ADAMTS9: variants seen among roughly 807,000 people sequenced by gnomAD.
ADAMTS9 encodes ADAM metallopeptidase with thrombospondin type 1 motif 9, also known as A disintegrin and metalloproteinase with thrombospondin motifs 9.
A neutral mutation model predicts 257.1 loss-of-function variants in ADAMTS9; 107 were observed. The observed-to-expected ratio is 0.42, with a 90% confidence interval of 0.36 to 0.49. ADAMTS9 has a LOEUF of 0.49. Among genes scored for constraint, ADAMTS9 ranks in the 20% least tolerant of loss-of-function variants. The pLI is 0.03. For synonymous variants in ADAMTS9, 982 were observed against 880.9 expected, an observed-to-expected ratio of 1.11 and a Z score of -2.03; for missense variants, 2,353 against 2,469.1, an observed-to-expected ratio of 0.95 and a Z score of 1.00.
intron 39 of ADAMTS9, among the ~76,000 whole-genome samples, chr3:64,518,624 G>C (rs191023063): frequency 6.6e-6 from 1 of 152,090 alleles, no homozygotes; most frequent in Admixed American, 6.5e-5. Context: ...TTTCTAACAA[G>C]TTCCTAGGTA....
Position 64,640,799 on chromosome 3 carries a change from T to C in ADAMTS9, c.1856+1049A>G, listed in dbSNP as rs187722971. On this transcript the variant is annotated intron_variant, in intron 12 of 39. Transcript: ENST00000498707. ...TGGATGTCATTTTTTATAATGAAGATAGCAATTTATTATCTATAAACAACC... is the reference window on the plus strand; with the variant it reads ...TGGATGTCATTTTTTATAATGAAGACAGCAATTTATTATCTATAAACAACC... 2.2e-3 allele frequency among the ~76,000 whole-genome samples: 336 copies of C among 152,312 alleles called. 9 individuals are homozygous for C. In the East Asian group the frequency reaches 0.031, roughly 14 times the overall value.
At chr3:64,560,332 A>G (rs1471408279) in intron 30 of ADAMTS9, among the ~76,000 whole-genome samples, 1 of 152,202 alleles carries the variant, frequency 6.6e-6, no homozygotes, top group Non-Finnish European at 1.5e-5. Flanking sequence ...GTAAAGAAGG[A>G]AAACAGGAAA....
chr3:64,602,253 G>A, intron 25 of ADAMTS9, 40 bp from the exon 26 acceptor site: 1 of 1,598,430 alleles, frequency 6.3e-7, no homozygotes, highest in South Asian at 1.1e-5. Flanking sequence ...TCAGTCATTT[G>A]GTGGAGGGGT....
At chr3:64,590,020 T>A (rs2084231686) in intron 28 of ADAMTS9, 1 of 152,164 alleles carries the variant, frequency 6.6e-6, no homozygotes, top group Non-Finnish European at 1.5e-5. Flanking sequence ...TTTCTTCCAA[T>A]CACCTTTTTT....
chr3:64,642,898 C>T (rs1700690530), intron 11 of ADAMTS9, among the ~76,000 whole-genome samples: 1 of 151,814 alleles, frequency 6.6e-6, no homozygotes, highest in Non-Finnish European at 1.5e-5. Flanking sequence ...GGGGGTGGGG[C>T]AGTATGCAGG....
At chr3:64,640,605 G>T (rs904161222) in intron 12 of ADAMTS9, among the ~76,000 whole-genome samples, 2 of 152,120 alleles carry the variant, frequency 1.3e-5, no homozygotes, top group African/African-American at 2.4e-5. Flanking sequence ...TCTTAAAAAT[G>T]GTTGTTGGTT....
At position 64,549,071 on chromosome 3, in the gene ADAMTS9, C is replaced by CT. The variant is rs1303541070; in HGVS notation, c.4869+1820dup. ...TAGAGGTCCCAGAGAGAAGGCATGT[C>CT]TTCTTTTCTAGAGAGGATGCTGGTG... On this transcript the variant is annotated intron_variant, in intron 31 of 39. Transcript: ENST00000498707. 2.0e-5 allele frequency among the ~76,000 whole-genome samples: 3 copies of CT among 152,192 alleles called. No individual in the cohort carries two copies. In the East Asian group the frequency reaches 5.8e-4, roughly 29 times the overall value.
chr3:64,545,576 G>A (rs1213383314), intron 32 of ADAMTS9, among the ~76,000 whole-genome samples: 1 of 151,970 alleles, frequency 6.6e-6, no homozygotes, highest in Non-Finnish European at 1.5e-5. Context: ...CTTGGACACA[G>A]GGTGGGGAAC....
intron 30 of ADAMTS9, among the ~76,000 whole-genome samples, chr3:64,559,086 C>T (rs941234590): frequency 4.6e-5 from 7 of 152,246 alleles, no homozygotes; most frequent in South Asian, 4.1e-4. Context: ...TGAACAAGGG[C>T]GCTTTTGATC....
At chr3:64,616,195 C>T (rs774040424) in intron 19 of ADAMTS9, 25 bp from the exon 20 acceptor site, 2 of 1,611,324 alleles carry the variant, frequency 1.2e-6, no homozygotes, top group Non-Finnish European at 8.5e-7. Flanking sequence ...TGGGGCAAAA[C>T]CAACATTTCT....
intron 19 of ADAMTS9, among the ~76,000 whole-genome samples, chr3:64,620,016 GT>G (rs548526900): frequency 8.1e-4 from 116 of 143,312 alleles, no homozygotes; most frequent in East Asian, 1.2e-3. Flanking sequence ...ATGTCTTCCT[GT>G]TTTTTTTTTT....
At chr3:64,640,955 T>C (rs940463351) in intron 12 of ADAMTS9, among the ~76,000 whole-genome samples, 7 of 151,962 alleles carry the variant, frequency 4.6e-5, no homozygotes, top group African/African-American at 1.7e-4. Flanking sequence ...ACAATGAGAA[T>C]TATTCTGAAA....
chr3:64,637,280 G>A lies in ADAMTS9; in HGVS notation c.1857-3401C>T, dbSNP rs923867372. Among the ~76,000 whole-genome samples, 51 of 152,258 alleles carry A rather than the reference G, an allele frequency of 3.3e-4. 1 individual carries two copies. The highest frequency in any genetic ancestry group is 1.2e-3 in the African/African-American group (50 of 41,562). ...AATTTAATTATTTAGCTGAATAGGA[G>A]TATTTTTTCTAGTAGGCAAATATTG... On this transcript the variant is annotated intron_variant, in intron 12 of 39. Coordinates refer to ENST00000498707, the MANE Select transcript of ADAMTS9 (RefSeq NM_182920.2).
rs2083204800 is a variant in ADAMTS9, at chr3:64,546,767, G to C, written c.5055C>G (p.Asn1685Lys). The change falls in exon 32 of 40, where the codon AAC becomes AAG. Residue 1685 changes from asparagine to lysine, a missense_variant. By Grantham distance (94) the Asn-to-Lys change is moderately conservative. This residue lies in a region of ADAMTS9 where 1,402 missense variants were observed against 1,441.4 expected (regional missense o/e 0.97). Transcript: ENST00000498707. ...TCAGTCTTCTACTTACGCTCCCCCAGTTGCCAACTCTCCAGGTGGCCGAGA... is the reference window on the plus strand; with the variant it reads ...TCAGTCTTCTACTTACGCTCCCCCACTTGCCAACTCTCCAGGTGGCCGAGA... ...CPVSATWRVG[N>K]WGSCSVSCGV... 6.2e-7 allele frequency: 1 copy of C among 1,602,352 alleles called. No homozygotes were observed. Among genetic ancestry groups the C allele is most frequent in the Non-Finnish European group, 8.5e-7 (1 of 1,174,998 alleles).
intron 22 of ADAMTS9, among the ~76,000 whole-genome samples, chr3:64,610,602 C>T (rs62247594): frequency 6.6e-6 from 1 of 151,906 alleles, no homozygotes; most frequent in Non-Finnish European, 1.5e-5. Context: ...TGATCAGTAT[C>T]TTTTGTTATT....
intron 30 of ADAMTS9, among the ~76,000 whole-genome samples, chr3:64,559,366 A>G (rs2083384081): frequency 1.3e-5 from 2 of 152,124 alleles, no homozygotes; most frequent in Non-Finnish European, 2.9e-5. Flanking sequence ...AGAATACCAT[A>G]GGAATATCAT....
At chr3:64,555,511 G>A (rs1456903569) in intron 30 of ADAMTS9, among the ~76,000 whole-genome samples, 1 of 152,136 alleles carries the variant, frequency 6.6e-6, no homozygotes, top group Admixed American at 6.5e-5. Flanking sequence ...TTCCCAACTT[G>A]GGTTCCCATG....
rs754338364 is a variant in ADAMTS9, at chr3:64,615,356, G to T, written c.3154C>A (p.Pro1052Thr). The T allele has an allele frequency of 1.9e-6, 3 of 1,613,974 alleles. No homozygotes were observed. Among genetic ancestry groups the T allele is most frequent in the Admixed American group, 1.7e-5 (1 of 60,012 alleles). ...TCTCCAGATTTCCACTGTGGACAAG[G>T]GAACTCACTGCACCTCTGAATGGTA... Reference protein sequence around the residue: ...KVTIQRCSEFPCPQWKSGDWS... With the variant: ...KVTIQRCSEFTCPQWKSGDWS... The change falls in exon 21 of 40, where the codon CCT becomes ACT. Residue 1052 changes from proline (P) to threonine (T), a missense_variant. By Grantham distance (38) the Pro-to-Thr change is conservative (BLOSUM62 -1). Transcript: ENST00000498707.
intron 25 of ADAMTS9, 118 bp from the exon 26 acceptor site, chr3:64,602,331 C>T: frequency 1.8e-6 from 2 of 1,140,658 alleles, no homozygotes; most frequent in Admixed American, 2.1e-5. Context: ...GGCCAAAAAC[C>T]TTGGAATCAC....
Sources: allele counts gnomAD v4.1 joint callset (sites outside exome capture counted in the v4.1 genomes callset), GRCh38; gene constraint gnomAD v4.1.1; regional missense constraint gnomAD v4.1.1; transcripts MANE v1.5; gene names NCBI Gene and HGNC (gene_info 2026-07-23, HGNC 2026-07-21).